THADA: variants seen among roughly 807,000 people sequenced by gnomAD.
The protein encoded by THADA is THADA armadillo repeat containing, also known as tRNA (32-2'-O)-methyltransferase regulator THADA.
THADA carries 213 observed loss-of-function variants against 219.8 expected under a neutral mutation model. The ratio of observed to expected loss-of-function variants is 0.97; its 90% confidence interval spans 0.87 to 1.09. THADA has a LOEUF of 1.09. Ranked by LOEUF, THADA falls within the 50% of genes least tolerant of loss-of-function variation. THADA has a pLI of 0.00. For synonymous variants in THADA, 1,018 were observed against 828.9 expected, an observed-to-expected ratio of 1.23 and a Z score of -3.92; for missense variants, 2,956 against 2,311.3, an observed-to-expected ratio of 1.28 and a Z score of -5.72.
intron 26 of THADA, among the ~76,000 whole-genome samples, chr2:43,460,290 G>C (rs561041542): frequency 2.0e-4 from 25 of 125,140 alleles, no homozygotes; most frequent in African/African-American, 7.2e-4. Flanking sequence ...GCTGAAATGA[G>C]ATCTGAGGAA....
chr2:43,592,186 A>G, intron 2 of THADA, 131 bp downstream of exon 2: 1 of 991,776 alleles, frequency 1.0e-6, no homozygotes. Flanking sequence ...TTTTAAGAAA[A>G]TTGTTTTACA....
chr2:43,482,533 C>T (rs1310250914), intron 26 of THADA, among the ~76,000 whole-genome samples: 1 of 152,116 alleles, frequency 6.6e-6, no homozygotes. Context: ...AACCAAAGCC[C>T]AGAGAGGTTG....
intron 28 of THADA, among the ~76,000 whole-genome samples, chr2:43,416,747 A>G (rs1677033243): frequency 6.6e-6 from 1 of 152,210 alleles, no homozygotes; most frequent in Non-Finnish European, 1.5e-5. Flanking sequence ...TGTACATAAA[A>G]GATATAAAAT....
At chr2:43,349,452 C>T (rs1668007799) in intron 29 of THADA, among the ~76,000 whole-genome samples, 1 of 152,154 alleles carries the variant, frequency 6.6e-6, no homozygotes, top group African/African-American at 2.4e-5. Flanking sequence ...AAAAAACTTG[C>T]ACTGCACCAG....
chr2:43,589,220 C>A (rs1446658460), intron 4 of THADA, among the ~76,000 whole-genome samples: 1 of 152,138 alleles, frequency 6.6e-6, no homozygotes, highest in African/African-American at 2.4e-5. Context: ...GTGGAAGCAA[C>A]CCAAATGTCC....
chr2:43,318,724 G>A (rs949236530), intron 31 of THADA, among the ~76,000 whole-genome samples: 7 of 152,128 alleles, frequency 4.6e-5, no homozygotes, highest in African/African-American at 1.7e-4. Flanking sequence ...ATACTGTTAA[G>A]TTATTAAACA....
At chr2:43,499,141 T>C (rs758868750) in intron 24 of THADA, among the ~76,000 whole-genome samples, 186 bp from the exon 25 acceptor site, 39 of 152,164 alleles carry the variant, frequency 2.6e-4, no homozygotes, top group Admixed American at 3.3e-4. Context: ...TACAAAAAAT[T>C]AGTAAGATTC....
At chr2:43,359,445 T>A (rs899059426) in intron 29 of THADA, among the ~76,000 whole-genome samples, 1 of 152,208 alleles carries the variant, frequency 6.6e-6, no homozygotes, top group Admixed American at 6.5e-5. Context: ...TTTGGGAGGC[T>A]GAGGCGGGCA....
chr2:43,342,285 C>T (rs1442723300), intron 30 of THADA, among the ~76,000 whole-genome samples: 1 of 152,188 alleles, frequency 6.6e-6, no homozygotes, highest in African/African-American at 2.4e-5. Flanking sequence ...ATTTCAGACA[C>T]AAGATAATTT....
At chr2:43,232,166 T>TTTTTC (rs560161844) in intron 37 of THADA, among the ~76,000 whole-genome samples, 11 of 151,960 alleles carry the variant, frequency 7.2e-5, no homozygotes, top group Admixed American at 2.6e-4. Context: ...GGGGCTTCTT[T>TTTTTC]TTTTCTTTTC....
chr2:43,582,911 C>G (rs1700610704), intron 7 of THADA, among the ~76,000 whole-genome samples: 1 of 152,048 alleles, frequency 6.6e-6, no homozygotes, highest in South Asian at 2.1e-4. Context: ...AGATTTTCCC[C>G]TACTTCACCA....
At chr2:43,399,886 A>G (rs1442257817) in intron 28 of THADA, among the ~76,000 whole-genome samples, 1 of 152,188 alleles carries the variant, frequency 6.6e-6, no homozygotes, top group Non-Finnish European at 1.5e-5. Flanking sequence ...AAACAAAAAA[A>G]CAAAAAAACA....
intron 14 of THADA, among the ~76,000 whole-genome samples, chr2:43,569,761 G>C (rs1170221111): frequency 6.6e-6 from 1 of 152,134 alleles, no homozygotes; most frequent in African/African-American, 2.4e-5. Flanking sequence ...GCAAAAAAGG[G>C]TCTGCTTCTC....
At position 43,560,306 on chromosome 2, in the gene THADA, G is replaced by A. The variant is rs184115135; in HGVS notation, c.2391C>T (p.Ser797=). Residue 797 remains serine, a synonymous_variant, in exon 16 of 38, where the codon AGC becomes AGT. Transcript: ENST00000405975. ...RFQTLMECFT[S]TFEDVKILAF... ...CTAAAATTTTCACGTCTTCAAAAGT[G>A]CTGGTAAAACATTCCATTAGTGTTT... 1.2e-6 allele frequency: 2 copies of A among 1,612,466 alleles called. No homozygotes were observed. Among genetic ancestry groups the A allele is most frequent in the East Asian group, 4.5e-5 (2 of 44,768 alleles).
intron 31 of THADA, among the ~76,000 whole-genome samples, chr2:43,307,538 C>T (rs945358166): frequency 1.3e-5 from 2 of 152,238 alleles, no homozygotes; most frequent in African/African-American, 4.8e-5. Context: ...TGTTCTCTCA[C>T]CCAGAGTAGA....
At chr2:43,489,680 T>C (rs993479660) in intron 25 of THADA, among the ~76,000 whole-genome samples, 8 of 152,084 alleles carry the variant, frequency 5.3e-5, no homozygotes, top group African/African-American at 1.4e-4. Context: ...AATGTGGGGG[T>C]TTATTTCTGT....
intron 26 of THADA, among the ~76,000 whole-genome samples, chr2:43,438,632 G>T (rs986664786): frequency 2.0e-5 from 3 of 152,114 alleles, no homozygotes; most frequent in African/African-American, 7.2e-5. Flanking sequence ...CCCCGTATGT[G>T]AGCTTTAAAG....
chr2:43,330,518 G>A (rs1679844352), intron 30 of THADA, among the ~76,000 whole-genome samples: 1 of 152,288 alleles, frequency 6.6e-6, no homozygotes, highest in East Asian at 1.9e-4. Flanking sequence ...TAATATGAGG[G>A]CAGATGTGCT....
chr2:43,292,730 T>C, intron 32 of THADA, 104 bp downstream of exon 32: 1 of 1,423,978 alleles, frequency 7.0e-7, no homozygotes, highest in Non-Finnish European at 9.4e-7. Flanking sequence ...CTATTGCCCC[T>C]GGAGAGCCTA....
Sources: allele counts gnomAD v4.1 joint callset (sites outside exome capture counted in the v4.1 genomes callset), GRCh38; gene constraint gnomAD v4.1.1; transcripts MANE v1.5; gene names NCBI Gene and HGNC (gene_info 2026-07-23, HGNC 2026-07-21).